Variants in SEC24B observed in about 807,000 individuals in gnomAD.
SEC24B encodes SEC24 homolog B, COPII component.
A neutral mutation model predicts 142.8 loss-of-function variants in SEC24B; 45 were observed. The ratio of observed to expected loss-of-function variants is 0.32; its 90% CI spans 0.25 to 0.40. SEC24B has a LOEUF of 0.40. Ranked by LOEUF, SEC24B falls within the 10% of genes least tolerant of loss-of-function variation. The pLI is 1.00. For missense variants in SEC24B, 1,409 were observed against 1,526.8 expected (o/e 0.92, Z 1.29); for synonymous variants, 574 against 568.2 (o/e 1.01, Z -0.15).
intron 1 of SEC24B, among the ~76,000 whole-genome samples, chr4:109,437,226 A>T (rs1728490116): frequency 2.6e-5 from 4 of 152,118 alleles, no homozygotes; most frequent in Admixed American, 6.5e-5. Context: ...AAAAATTCAC[A>T]CATCTGGTCA....
intron 1 of SEC24B, among the ~76,000 whole-genome samples, chr4:109,451,935 G>A (rs1340674808): frequency 6.6e-6 from 1 of 151,934 alleles, no homozygotes; most frequent in Admixed American, 6.6e-5. Context: ...TTGATATCCT[G>A]GTTGATTTTT....
At chr4:109,522,057 G>GT (rs70949095) in intron 14 of SEC24B, among the ~76,000 whole-genome samples, 331 of 126,868 alleles carry the variant, frequency 2.6e-3, no homozygotes, top group Admixed American at 3.8e-3. Context: ...TTTTGTTTTT[G>GT]TTTTTTTTTT....
At chr4:109,508,346 C>T (rs114668836) in intron 7 of SEC24B, among the ~76,000 whole-genome samples, 2,243 of 152,170 alleles carry the variant, frequency 0.015, 38 homozygotes, top group African/African-American at 0.038. Flanking sequence ...AGGTGGATCG[C>T]TTGAGCCCAG....
Position 109,513,742 on chromosome 4 carries a change from T to C in SEC24B, c.1904-5T>C, listed in dbSNP as rs368526718. On this transcript the variant is annotated splice_polypyrimidine_tract_variant and splice_region_variant and intron_variant, in intron 9 of 23. Coordinates refer to ENST00000265175, the MANE Select transcript of SEC24B (RefSeq NM_006323.5). ...TCTAAATTTGTACTGGGACCTCTTATCTAGTTCCTGAAGAATTTATGTATA... is the reference window on the plus strand; with the variant it reads ...TCTAAATTTGTACTGGGACCTCTTACCTAGTTCCTGAAGAATTTATGTATA... 2.4e-5 allele frequency: 38 copies of C among 1,562,940 alleles called. No individual in the cohort carries two copies. In the South Asian group the frequency reaches 3.2e-4, roughly 13 times the overall value.
intron 4 of SEC24B, among the ~76,000 whole-genome samples, chr4:109,486,753 G>A (rs1734394728): frequency 6.6e-6 from 1 of 152,234 alleles, no homozygotes; most frequent in African/African-American, 2.4e-5. Context: ...CAGCTTGTAT[G>A]CTGAAAGCAG....
chr4:109,498,371 A>G (rs1286292609), intron 6 of SEC24B, among the ~76,000 whole-genome samples: 4 of 151,902 alleles, frequency 2.6e-5, no homozygotes, highest in African/African-American at 7.2e-5. Context: ...GCCTTTTTTT[A>G]TTTTGAGACG....
intron 6 of SEC24B, among the ~76,000 whole-genome samples, chr4:109,502,302 G>C (rs1198366084): frequency 6.6e-6 from 1 of 152,110 alleles, no homozygotes; most frequent in Non-Finnish European, 1.5e-5. Flanking sequence ...GCATAAGAGA[G>C]GTATCAGAGA....
intron 10 of SEC24B, among the ~76,000 whole-genome samples, chr4:109,514,084 G>A (rs1054825107): frequency 6.6e-6 from 1 of 152,076 alleles, no homozygotes; most frequent in African/African-American, 2.4e-5. Context: ...GTCTTATGAT[G>A]GGCACTAGCA....
At chr4:109,489,663 G>GATATATTATA (rs1734799208) in intron 4 of SEC24B, among the ~76,000 whole-genome samples, 3 of 146,768 alleles carry the variant, frequency 2.0e-5, no homozygotes, top group African/African-American at 7.5e-5. Flanking sequence ...GTATATATAT[G>GATATATTATA]ATATATACAT....
rs942283276 is a variant in SEC24B at position 109,506,487 on chromosome 4, C to T, written c.1648C>T (p.Leu550Phe). 6.3e-7 allele frequency: 1 copy of T among 1,575,476 alleles called. No homozygotes were observed. Among genetic ancestry groups the T allele is most frequent in the Admixed American group, 1.9e-5 (1 of 53,384 alleles). Residue 550 changes from leucine (L) to phenylalanine (F), a missense_variant, in exon 7 of 24, where the codon CTC (leucine) becomes TTC (phenylalanine). Leu to Phe is a conservative substitution (Grantham distance 22). Coordinates refer to ENST00000265175, the MANE Select transcript of SEC24B (RefSeq NM_006323.5). ...WAPVPNLNAD[L>F]KKLNCSPDSF... ...TCCTGTACCTAACTTGAATGCAGACCTCAAAAAATTAAACTGTAGCCCAGA... is the reference window on the plus strand; with the variant it reads ...TCCTGTACCTAACTTGAATGCAGACTTCAAAAAATTAAACTGTAGCCCAGA...
Position 109,506,412 on chromosome 4 carries a change from G to A in SEC24B, c.1573G>A (p.Val525Ile). 1 of 1,610,706 alleles carries A rather than the reference G, an allele frequency of 6.2e-7. No homozygotes were observed. The highest frequency in any genetic ancestry group is 8.5e-7 in the Non-Finnish European group (1 of 1,178,146). Reference sequence around the variant, plus strand: ...TCCACAACCAGAAAGCCTGAGACCTGTAAACCTTACTCAGGAGAGGAATAT... The same window carrying A: ...TCCACAACCAGAAAGCCTGAGACCTATAAACCTTACTCAGGAGAGGAATAT... Reference protein sequence around the residue: ...SSPQPESLRPVNLTQERNILP... With the variant: ...SSPQPESLRPINLTQERNILP... The change falls in exon 7 of 24, where the codon GTA (valine) becomes ATA (isoleucine). Residue 525 changes from valine to isoleucine, a missense_variant. This residue lies in a region of SEC24B where 709 missense variants were observed against 673.5 expected (regional missense o/e 1.05). Coordinates refer to ENST00000265175, the MANE Select transcript of SEC24B (RefSeq NM_006323.5).
intron 4 of SEC24B, among the ~76,000 whole-genome samples, chr4:109,482,979 T>TATATATATATACACACAC (rs781527364): frequency 6.4e-4 from 17 of 26,416 alleles, no homozygotes; most frequent in Non-Finnish European, 9.8e-4. Context: ...TATATATATA[T>TATATATATATACACACAC]ACACACACAC....
intron 10 of SEC24B, 50 bp from the exon 11 acceptor site, chr4:109,516,478 A>T: frequency 1.8e-6 from 2 of 1,112,832 alleles, no homozygotes; most frequent in Non-Finnish European, 2.6e-6. Flanking sequence ...ATATATAAAA[A>T]GAATAAATTG....
intron 5 of SEC24B, among the ~76,000 whole-genome samples, 165 bp from the exon 6 acceptor site, chr4:109,494,450 A>G (rs933288438): frequency 2.0e-5 from 3 of 152,236 alleles, no homozygotes; most frequent in Non-Finnish European, 4.4e-5. Context: ...TGATAAGTAT[A>G]TGGGGTTCAT....
chr4:109,519,251 A>G (rs896562133), intron 11 of SEC24B, among the ~76,000 whole-genome samples: 1 of 152,216 alleles, frequency 6.6e-6, no homozygotes, highest in Non-Finnish European at 1.5e-5. Flanking sequence ...TTAGCCTTGT[A>G]TGGAAAAGTA....
At chr4:109,520,571 T>C (rs1180982505) in intron 12 of SEC24B, 87 bp downstream of exon 12, 2 of 789,836 alleles carry the variant, frequency 2.5e-6, no homozygotes, top group East Asian at 2.4e-5. Flanking sequence ...TGCTATATGC[T>C]GTGAGGATAA....
intron 5 of SEC24B, among the ~76,000 whole-genome samples, chr4:109,492,536 T>A (rs951967443): frequency 1.3e-5 from 2 of 152,192 alleles, no homozygotes; most frequent in Non-Finnish European, 2.9e-5. Flanking sequence ...GTCAACGAAT[T>A]CTAATCTTAT....
At chr4:109,451,826 C>T (rs1380094785) in intron 1 of SEC24B, among the ~76,000 whole-genome samples, 3 of 152,136 alleles carry the variant, frequency 2.0e-5, no homozygotes, top group Non-Finnish European at 4.4e-5. Context: ...TTGTGTCTAT[C>T]TGTATCTGTA....
intron 1 of SEC24B, among the ~76,000 whole-genome samples, chr4:109,454,333 G>T (rs1018220239): frequency 3.3e-5 from 5 of 151,900 alleles, no homozygotes; most frequent in Admixed American, 6.6e-5. Context: ...GAGCCCAGGA[G>T]TTCAAGACCA....
Sources: allele counts gnomAD v4.1 joint callset (sites outside exome capture counted in the v4.1 genomes callset), GRCh38; gene constraint gnomAD v4.1.1; regional missense constraint gnomAD v4.1.1; transcripts MANE v1.5; gene names NCBI Gene and HGNC (gene_info 2026-07-23, HGNC 2026-07-21).